The following COLEC10 variants were observed in gnomAD, a reference collection of about 807,000 sequenced individuals.
COLEC10 encodes collectin-10.
COLEC10 carries 22 observed loss-of-function variants against 28.4 expected under a neutral mutation model. The observed-to-expected ratio is 0.78, with a 90% CI of 0.55 to 1.11. The LOEUF (loss-of-function observed/expected upper bound fraction) is 1.11. Ranked by LOEUF, COLEC10 falls within the 50% of genes least tolerant of loss-of-function variation. COLEC10 has a pLI of 0.00. For missense variants in COLEC10, 361 were observed against 344.1 expected (o/e 1.05, Z -0.39); for synonymous variants, 125 against 116.1 (o/e 1.08, Z -0.49).
chr8:118,989,147 G>A, the COLEC10 span, among the ~76,000 whole-genome samples: 2 of 152,244 alleles, frequency 1.3e-5, no homozygotes, highest in African/African-American at 4.8e-5. Flanking sequence ...AGTAATGTAA[G>A]CAGAGAGATA....
intron 2 of COLEC10, among the ~76,000 whole-genome samples, chr8:119,023,349 T>C (rs75358235): frequency 0.044 from 6,684 of 152,256 alleles, 215 homozygotes; most frequent in East Asian, 0.16. Context: ...TGTAGAATAA[T>C]AAATGTATGG....
At chr8:118,952,522 A>G in the COLEC10 span, among the ~76,000 whole-genome samples, 2 of 152,230 alleles carry the variant, frequency 1.3e-5, no homozygotes, top group Admixed American at 6.5e-5. Context: ...TACATAAACC[A>G]TGTAGTAGGA....
intron 2 of COLEC10, among the ~76,000 whole-genome samples, chr8:119,050,291 G>A (rs974696371): frequency 1.3e-5 from 2 of 152,080 alleles, no homozygotes; most frequent in Admixed American, 1.3e-4. Flanking sequence ...ACTTTAGTAG[G>A]TTCCTGAATG....
intron 1 of COLEC10, among the ~76,000 whole-genome samples, chr8:119,079,493 A>G (rs1815326469): frequency 6.6e-6 from 1 of 152,082 alleles, no homozygotes; most frequent in South Asian, 2.1e-4. Context: ...TTTTGTTTCT[A>G]TGGGCCTGAC....
chr8:119,017,744 G>GT (rs1814020005), intron 2 of COLEC10, among the ~76,000 whole-genome samples: 2 of 152,056 alleles, frequency 1.3e-5, no homozygotes, highest in Admixed American at 1.3e-4. Flanking sequence ...TCTTAATCTT[G>GT]AAGTCACAAA....
At chr8:119,065,990 C>T (rs1212817581), upstream of COLEC10, among the ~76,000 whole-genome samples, 1 of 152,190 alleles carries the variant, frequency 6.6e-6, no homozygotes, top group Non-Finnish European at 1.5e-5. Context: ...AAAGGGTTGG[C>T]ACTGGTTTTA....
chr8:119,070,444 T>TCG (rs1184436809), intron 1 of COLEC10, among the ~76,000 whole-genome samples: 9 of 126,108 alleles, frequency 7.1e-5, no homozygotes, highest in South Asian at 2.4e-4. Context: ...ATGTTCTCCC[T>TCG]CGCTCTCTCT....
At chr8:119,052,962 CA>C (rs1333790354) in intron 2 of COLEC10, among the ~76,000 whole-genome samples, 4 of 151,994 alleles carry the variant, frequency 2.6e-5, no homozygotes, top group Non-Finnish European at 1.5e-5. Context: ...GAGGGGAAGG[CA>C]TAAAATTCCA....
At chr8:119,012,882 C>T (rs1339538397) in intron 2 of COLEC10, among the ~76,000 whole-genome samples, 1 of 150,214 alleles carries the variant, frequency 6.7e-6, no homozygotes, top group Admixed American at 6.6e-5. Context: ...TAGCTAGAGG[C>T]TTATTGATTG....
At chr8:119,036,720 C>T (rs370004085) in intron 2 of COLEC10, among the ~76,000 whole-genome samples, 1 of 152,084 alleles carries the variant, frequency 6.6e-6, no homozygotes, top group African/African-American at 2.4e-5. Flanking sequence ...AAATTAAGAC[C>T]ATTTAAGGAA....
the COLEC10 span, among the ~76,000 whole-genome samples, chr8:118,970,517 A>G: frequency 4.6e-5 from 7 of 151,638 alleles, no homozygotes; most frequent in African/African-American, 1.7e-4. Flanking sequence ...ATTAACATCT[A>G]TTTTCTAGGT....
At chr8:119,056,380 T>C (rs1428360307) in intron 2 of COLEC10, among the ~76,000 whole-genome samples, 1 of 152,066 alleles carries the variant, frequency 6.6e-6, no homozygotes, top group African/African-American at 2.4e-5. Context: ...CCCCAAAAGT[T>C]TTCTGGGAAA....
At chr8:119,039,674 A>G (rs1192101229) in intron 2 of COLEC10, among the ~76,000 whole-genome samples, 2 of 152,214 alleles carry the variant, frequency 1.3e-5, no homozygotes, top group East Asian at 1.9e-4. Context: ...CATGGTGTCA[A>G]TGAGTCTCTG....
chr8:118,972,118 T>G, the COLEC10 span, among the ~76,000 whole-genome samples: 2 of 151,992 alleles, frequency 1.3e-5, no homozygotes, highest in Non-Finnish European at 2.9e-5. Context: ...TAGTGTGATT[T>G]GAAACTTCCA....
At chr8:118,992,815 A>G (rs1813525067), upstream of COLEC10, among the ~76,000 whole-genome samples, 1 of 152,322 alleles carries the variant, frequency 6.6e-6, no homozygotes, top group African/African-American at 2.4e-5. Flanking sequence ...ATTATACCAT[A>G]AACAATATAC....
upstream of COLEC10, among the ~76,000 whole-genome samples, chr8:118,993,313 A>G: frequency 6.6e-6 from 1 of 151,830 alleles, no homozygotes; most frequent in Non-Finnish European, 1.5e-5. Context: ...GTTTTCTCAC[A>G]TGATCTTTCT....
intron 2 of COLEC10, among the ~76,000 whole-genome samples, chr8:119,023,175 T>C (rs1814128536): frequency 6.6e-6 from 1 of 152,196 alleles, no homozygotes; most frequent in Non-Finnish European, 1.5e-5. Context: ...ATTTTACTTA[T>C]GCTTGTCTAT....
At chr8:119,075,411 G>T (rs1815207408) in intron 1 of COLEC10, among the ~76,000 whole-genome samples, 3 of 152,110 alleles carry the variant, frequency 2.0e-5, no homozygotes, top group South Asian at 4.1e-4. Flanking sequence ...TTTTAGAAAA[G>T]AATTGTACAT....
chr8:118,984,837 C>T, the COLEC10 span, among the ~76,000 whole-genome samples: 2 of 152,186 alleles, frequency 1.3e-5, no homozygotes, highest in African/African-American at 2.4e-5. Flanking sequence ...CTGAAGAAGC[C>T]TCATAATCAT....
Sources: gnomAD v4.1 joint callset for allele counts (sites outside exome capture counted in the v4.1 genomes callset) on GRCh38, gnomAD v4.1.1 for gene constraint, MANE v1.5 for transcripts, NCBI Gene and HGNC (gene_info 2026-07-23, HGNC 2026-07-21) for gene names.